Variants in PABPC4L observed in about 807,000 individuals in gnomAD.
PABPC4L encodes poly(A) binding protein cytoplasmic 4 like, also known as polyadenylate-binding protein 4-like.
For missense variants in PABPC4L, 452 were observed against 451.4 expected, an observed-to-expected ratio of 1.00 and a Z score of -0.01; for synonymous variants, 169 against 164.1, an observed-to-expected ratio of 1.03 and a Z score of -0.23.
At chr4:134,095,302 A>G in the PABPC4L span, among the ~76,000 whole-genome samples, 6 of 152,000 alleles carry the variant, frequency 3.9e-5, no homozygotes, top group Non-Finnish European at 7.4e-5. Context: ...ATAGAGCAGT[A>G]TTATAAAATG....
chr4:134,162,315 A>G, the PABPC4L span, among the ~76,000 whole-genome samples: 7 of 152,162 alleles, frequency 4.6e-5, no homozygotes, highest in African/African-American at 1.7e-4. Context: ...AAAATATATT[A>G]CAATCCTAAA....
the PABPC4L span, among the ~76,000 whole-genome samples, chr4:134,010,324 T>C: frequency 2.6e-5 from 4 of 152,216 alleles, no homozygotes; most frequent in East Asian, 3.9e-4. Context: ...TGTAAAATAA[T>C]ACAGATTTTC....
At chr4:134,081,953 T>A in the PABPC4L span, among the ~76,000 whole-genome samples, 4 of 152,102 alleles carry the variant, frequency 2.6e-5, no homozygotes, top group South Asian at 8.3e-4. Context: ...GTTCACAAAA[T>A]TCAAAACTCC....
the PABPC4L span, among the ~76,000 whole-genome samples, chr4:134,030,272 G>T: frequency 6.6e-6 from 1 of 152,046 alleles, no homozygotes; most frequent in Admixed American, 6.6e-5. Context: ...GGAGGCCTCA[G>T]AAAAAGATAG....
the PABPC4L span, among the ~76,000 whole-genome samples, chr4:134,030,584 T>C: frequency 1.3e-5 from 2 of 152,120 alleles, no homozygotes; most frequent in African/African-American, 4.8e-5. Flanking sequence ...TGTTCTACTC[T>C]GTGTATTTAT....
the PABPC4L span, among the ~76,000 whole-genome samples, chr4:134,002,549 T>C: frequency 1.3e-5 from 2 of 151,944 alleles, no homozygotes; most frequent in African/African-American, 4.8e-5. Context: ...TGTTGTTTTG[T>C]TTTTTATGTA....
the PABPC4L span, among the ~76,000 whole-genome samples, chr4:133,993,483 T>A: frequency 2.0e-5 from 3 of 152,208 alleles, no homozygotes; most frequent in Non-Finnish European, 4.4e-5. Context: ...GCATAAGCAC[T>A]AATTAAGTGA....
At chr4:134,061,913 A>C in the PABPC4L span, among the ~76,000 whole-genome samples, 3 of 151,900 alleles carry the variant, frequency 2.0e-5, no homozygotes, top group Non-Finnish European at 4.4e-5. Flanking sequence ...ATTATTAAAG[A>C]TTTTTAAGCA....
chr4:134,193,926 A>T (rs1310840966), downstream of PABPC4L, among the ~76,000 whole-genome samples: 3 of 151,938 alleles, frequency 2.0e-5, no homozygotes, highest in African/African-American at 4.8e-5. Context: ...CACTTCCTGA[A>T]CTTAATTTGG....
chr4:134,165,779 T>C, the PABPC4L span, among the ~76,000 whole-genome samples: 1 of 152,010 alleles, frequency 6.6e-6, no homozygotes, highest in Admixed American at 6.6e-5. Context: ...GCAATCCCTC[T>C]ACTGGGTATC....
the PABPC4L span, among the ~76,000 whole-genome samples, chr4:134,165,068 G>A: frequency 6.6e-6 from 1 of 152,068 alleles, no homozygotes; most frequent in African/African-American, 2.4e-5. Context: ...CAGGAAAACT[G>A]GGTAGCAGCC....
the PABPC4L span, among the ~76,000 whole-genome samples, chr4:134,078,136 T>C: frequency 3.3e-5 from 5 of 152,140 alleles, no homozygotes; most frequent in African/African-American, 1.2e-4. Flanking sequence ...GGACTTAACA[T>C]AAGTAATACT....
At chr4:133,957,360 C>G in the PABPC4L span, among the ~76,000 whole-genome samples, 1 of 152,202 alleles carries the variant, frequency 6.6e-6, no homozygotes, top group African/African-American at 2.4e-5. Context: ...GACACCATGT[C>G]TCACATCCAG....
At chr4:134,186,577 A>G in the PABPC4L span, among the ~76,000 whole-genome samples, 1 of 152,154 alleles carries the variant, frequency 6.6e-6, no homozygotes, top group South Asian at 2.1e-4. Context: ...TAGACCTAAA[A>G]CCATAAAAAC....
chr4:134,120,886 T>C, the PABPC4L span, among the ~76,000 whole-genome samples: 1 of 151,314 alleles, frequency 6.6e-6, no homozygotes, highest in African/African-American at 2.4e-5. Context: ...TCTTTTTAAA[T>C]ATATATTTTT....
chr4:133,971,735 A>T, the PABPC4L span, among the ~76,000 whole-genome samples: 144 of 152,206 alleles, frequency 9.5e-4, 3 homozygotes, highest in South Asian at 0.029. Context: ...AGCATGTACC[A>T]TTCCCTCACA....
the PABPC4L span, among the ~76,000 whole-genome samples, chr4:134,124,448 A>G: frequency 6.6e-6 from 1 of 152,060 alleles, no homozygotes; most frequent in Admixed American, 6.6e-5. Flanking sequence ...ACAATATATA[A>G]CACTTCTCTT....
the PABPC4L span, among the ~76,000 whole-genome samples, chr4:134,126,091 A>G: frequency 6.6e-6 from 1 of 152,290 alleles, no homozygotes; most frequent in South Asian, 2.1e-4. Flanking sequence ...TGATAACATT[A>G]CCATTTTATT....
the PABPC4L span, among the ~76,000 whole-genome samples, chr4:134,156,211 A>G: frequency 6.6e-6 from 1 of 151,998 alleles, no homozygotes; most frequent in Non-Finnish European, 1.5e-5. Flanking sequence ...TTGTATTTCT[A>G]AAGTAATCTC....
Sources: allele counts gnomAD v4.1 joint callset (sites outside exome capture counted in the v4.1 genomes callset), GRCh38; gene constraint gnomAD v4.1.1; transcripts MANE v1.5; gene names NCBI Gene and HGNC (gene_info 2026-07-23, HGNC 2026-07-21).